SPCS2: variants seen among roughly 807,000 people sequenced by gnomAD.
SPCS2 encodes the protein SPase 25 kDa subunit.
Under a neutral mutation model 22.3 loss-of-function variants are expected in SPCS2, and 3 were observed. That is an observed-to-expected ratio of 0.13 (90% confidence interval 0.06 to 0.35). The LOEUF is 0.35. Among genes scored for constraint, SPCS2 ranks in the 10% least tolerant of loss-of-function variants. The pLI is 1.00. For synonymous variants in SPCS2, 67 were observed against 97.2 expected (o/e 0.69, Z 1.83); for missense variants, 169 against 280.9 (o/e 0.60, Z 2.85).
chr11:74,969,710 C>T lies in SPCS2; in HGVS notation c.494+11C>T, dbSNP rs1440768503. ...CTCCAGTCTTAAAAGGTATGACTATCCTCACAGATTTTTAAATCCTGGTGT... is the reference window on the plus strand; with the variant it reads ...CTCCAGTCTTAAAAGGTATGACTATTCTCACAGATTTTTAAATCCTGGTGT... On this transcript the variant is annotated intron_variant, in intron 4 of 4. Transcript: ENST00000263672. 1 of 1,613,534 alleles carries T rather than the reference C, an allele frequency of 6.2e-7. No homozygotes were observed. Among genetic ancestry groups the T allele is most frequent in the Non-Finnish European group, 8.5e-7 (1 of 1,179,610 alleles).
chr11:74,961,426 C>T (rs1003569015), intron 1 of SPCS2, among the ~76,000 whole-genome samples: 9 of 152,288 alleles, frequency 5.9e-5, no homozygotes, highest in African/African-American at 1.9e-4. Context: ...TCCATTCTCC[C>T]TTGGATAATA....
chr11:74,975,288 T>A (rs1332573478), intron 4 of SPCS2, among the ~76,000 whole-genome samples: 1 of 152,162 alleles, frequency 6.6e-6, no homozygotes, highest in Non-Finnish European at 1.5e-5. Flanking sequence ...TCTCTTACCT[T>A]TCTTGTCTCT....
At position 74,978,235 on chromosome 11, in the gene SPCS2, C is replaced by T. The variant is rs1948627228; in HGVS notation, c.*1192C>T. 1 of 152,178 alleles carries T rather than the reference C, an allele frequency of 6.6e-6. No individual in the cohort carries two copies. The highest frequency in any genetic ancestry group is 1.5e-5 in the Non-Finnish European group (1 of 68,042). The allele number at this position is 152,178 out of a possible 1,614,324, so 9.4% of individuals were successfully genotyped here. On this transcript the variant is annotated 3_prime_UTR_variant, in exon 5 of 5. Transcript: ENST00000263672. The stretch of plus-strand genomic sequence containing the variant: ...TTACAAAACATCAATTTTGGCTGAG[C>T]CTAGTACCCAACACTATATTCAGTT...
chr11:74,963,489 G>A, intron 1 of SPCS2: 3 of 345,458 alleles, frequency 8.7e-6, no homozygotes, highest in Admixed American at 3.8e-5. Flanking sequence ...TTGTATTTCT[G>A]TAGTTGTTTA....
At chr11:74,968,902 C>T (rs933644537) in intron 3 of SPCS2, among the ~76,000 whole-genome samples, 1 of 152,136 alleles carries the variant, frequency 6.6e-6, no homozygotes, top group Non-Finnish European at 1.5e-5. Context: ...CTCCAGGTCT[C>T]AAGCAATCCA....
chr11:74,953,046 C>T (rs557732301), intron 1 of SPCS2, among the ~76,000 whole-genome samples: 1 of 152,206 alleles, frequency 6.6e-6, no homozygotes, highest in Admixed American at 6.5e-5. Context: ...TGAGATCTGC[C>T]ACCTCAGTCT....
At chr11:74,953,376 A>G (rs1365989820) in intron 1 of SPCS2, among the ~76,000 whole-genome samples, 1 of 152,112 alleles carries the variant, frequency 6.6e-6, no homozygotes, top group African/African-American at 2.4e-5. Flanking sequence ...TATATTTAGT[A>G]GAGACAGGGT....
At chr11:74,949,467 C>T (rs1288471058) in intron 1 of SPCS2, 68 bp downstream of exon 1, 3 of 1,332,846 alleles carry the variant, frequency 2.3e-6, no homozygotes, top group East Asian at 2.5e-5. Flanking sequence ...CCAACCTTCC[C>T]ATCCCGGTCT....
At position 74,974,111 on chromosome 11, in the gene SPCS2, C is replaced by CTT. The variant is rs11454192; in HGVS notation, c.495-2736_495-2735dup. Among the ~76,000 whole-genome samples the CTT allele has an allele frequency of 1.1e-3, 170 of 148,336 alleles. 1 individual carries two copies. Among genetic ancestry groups the CTT allele is most frequent in the African/African-American group, 3.6e-3 (145 of 40,384 alleles). On this transcript the variant is annotated intron_variant, in intron 4 of 4. Coordinates refer to ENST00000263672, the MANE Select transcript of SPCS2 (RefSeq NM_014752.3). ...AGCTAATTACCCTTACTTTGTAATA[C>CTT]TTTTTTTTTTTAACTAGGCTTCTCA... is the stretch of plus-strand genomic sequence containing the variant.
intron 1 of SPCS2, among the ~76,000 whole-genome samples, chr11:74,955,360 T>C (rs989314662): frequency 1.3e-5 from 2 of 152,192 alleles, no homozygotes; most frequent in Non-Finnish European, 2.9e-5. Flanking sequence ...CAATGTGATA[T>C]ATCTATACAA....
chr11:74,952,613 A>T (rs972480843), intron 1 of SPCS2, among the ~76,000 whole-genome samples: 1 of 152,150 alleles, frequency 6.6e-6, no homozygotes, highest in South Asian at 2.1e-4. Context: ...CACCGCACCC[A>T]GCTCTGTTCC....
chr11:74,965,582 G>T (rs1466699631), intron 2 of SPCS2, among the ~76,000 whole-genome samples, 181 bp from the exon 3 acceptor site: 2 of 152,126 alleles, frequency 1.3e-5, no homozygotes, highest in African/African-American at 4.8e-5. Flanking sequence ...AGGGATTGAT[G>T]AACTTTTTCT....
chr11:74,952,507 A>G (rs144078720), intron 1 of SPCS2, among the ~76,000 whole-genome samples: 2 of 152,166 alleles, frequency 1.3e-5, no homozygotes, highest in East Asian at 3.9e-4. Context: ...GGTAGAGACA[A>G]GGTCTCACTG....
chr11:74,965,187 C>T (rs915617650), intron 2 of SPCS2, 70 bp downstream of exon 2: 1 of 1,061,732 alleles, frequency 9.4e-7, no homozygotes, highest in African/African-American at 1.6e-5. Context: ...AAATCTTTTC[C>T]TTTTGTAACT....
intron 1 of SPCS2, among the ~76,000 whole-genome samples, chr11:74,959,673 A>G (rs1948500863): frequency 6.6e-6 from 1 of 152,146 alleles, no homozygotes; most frequent in African/African-American, 2.4e-5. Flanking sequence ...AAAGTGCTGA[A>G]GTTATAAACA....
At chr11:74,967,586 T>C (rs775080097) in intron 3 of SPCS2, among the ~76,000 whole-genome samples, 12 of 152,000 alleles carry the variant, frequency 7.9e-5, no homozygotes, top group Non-Finnish European at 1.5e-4. Context: ...CTGTCACTAC[T>C]AAAAATACAA....
rs890626479 is a variant in SPCS2, at chr11:74,977,919, G to A, written c.*876G>A. The A allele has an allele frequency of 6.6e-6, 1 of 152,098 alleles. No individual in the cohort carries two copies. Among genetic ancestry groups the A allele is most frequent in the Non-Finnish European group, 1.5e-5 (1 of 68,032 alleles). The allele number at this position is 152,098 out of a possible 1,614,324, so 9.4% of individuals were successfully genotyped here. On this transcript the variant is annotated 3_prime_UTR_variant, in exon 5 of 5. Coordinates refer to ENST00000263672, the MANE Select transcript of SPCS2 (RefSeq NM_014752.3). ...TAACAACATTCTGTACTTACTTTGT[G>A]CCAGAAATGCTCCAAGTACTTTACA...
At chr11:74,968,859 C>T (rs942127451) in intron 3 of SPCS2, among the ~76,000 whole-genome samples, 1 of 151,876 alleles carries the variant, frequency 6.6e-6, no homozygotes, top group Admixed American at 6.6e-5. Flanking sequence ...ATGGGGTCTC[C>T]CATTGTTCCT....
At chr11:74,971,119 T>G (rs1174551115) in intron 4 of SPCS2, among the ~76,000 whole-genome samples, 1 of 152,370 alleles carries the variant, frequency 6.6e-6, no homozygotes, top group East Asian at 1.9e-4. Flanking sequence ...ATGTGGTCTT[T>G]TATAACTGGG....
Sources: allele counts gnomAD v4.1 joint callset (sites outside exome capture counted in the v4.1 genomes callset), GRCh38; gene constraint gnomAD v4.1.1; transcripts MANE v1.5; gene names NCBI Gene and HGNC (gene_info 2026-07-23, HGNC 2026-07-21).